Variants in WDR33 observed in about 807,000 individuals in gnomAD.
The protein encoded by WDR33 is pre-mRNA 3' end processing protein WDR33.
Under a neutral mutation model 164.9 loss-of-function variants are expected in WDR33, and 47 were observed. The ratio of observed to expected loss-of-function variants is 0.29; its 90% CI spans 0.23 to 0.36. WDR33 has a LOEUF of 0.36. Among genes scored for constraint, WDR33 ranks in the 10% least tolerant of loss-of-function variants. The pLI is 1.00. For synonymous variants in WDR33, 505 were observed against 589.0 expected, an observed-to-expected ratio of 0.86 and a Z score of 2.06; for missense variants, 1,137 against 1,754.1, an observed-to-expected ratio of 0.65 and a Z score of 6.28.
chr2:127,792,325 C>A (rs1490424522), intron 1 of WDR33, among the ~76,000 whole-genome samples: 2 of 151,796 alleles, frequency 1.3e-5, no homozygotes, highest in Non-Finnish European at 2.9e-5. Context: ...GTTCAACTAA[C>A]AAAGGAAAAA....
At chr2:127,778,667 T>TA (rs746425615) in intron 1 of WDR33, among the ~76,000 whole-genome samples, 1 of 152,018 alleles carries the variant, frequency 6.6e-6, no homozygotes, top group Admixed American at 6.6e-5. Context: ...ACAGGAAACT[T>TA]ACAGCACCAA....
At chr2:127,791,164 A>ACC (rs59673415) in intron 1 of WDR33, among the ~76,000 whole-genome samples, 56 of 54,674 alleles carry the variant, frequency 1.0e-3, no homozygotes, top group Non-Finnish European at 1.8e-3. Context: ...TCCCCACCCC[A>ACC]CCCCCCCCCC....
intron 7 of WDR33, among the ~76,000 whole-genome samples, chr2:127,729,145 C>T (rs542453240): frequency 1.0e-3 from 158 of 152,318 alleles, no homozygotes; most frequent in African/African-American, 3.1e-3. Context: ...CTTAATAAAA[C>T]GAATACTAGC....
chr2:127,785,929 C>T (rs1688548859), intron 1 of WDR33, among the ~76,000 whole-genome samples: 2 of 152,210 alleles, frequency 1.3e-5, no homozygotes, highest in Admixed American at 6.5e-5. Context: ...TTCTGCATTC[C>T]AACTGGCAAA....
At chr2:127,788,293 G>C (rs1196173876) in intron 1 of WDR33, among the ~76,000 whole-genome samples, 4 of 128,960 alleles carry the variant, frequency 3.1e-5, no homozygotes, top group Admixed American at 7.2e-5. Context: ...GCCGGGCGGG[G>C]GGCTGACCCC....
intron 1 of WDR33, among the ~76,000 whole-genome samples, chr2:127,784,666 C>CTA (rs1487486748): frequency 6.6e-6 from 1 of 152,198 alleles, no homozygotes; most frequent in South Asian, 2.1e-4. Flanking sequence ...CACGTGTGAG[C>CTA]CACTGTGCAT....
intron 7 of WDR33, among the ~76,000 whole-genome samples, chr2:127,728,819 A>C (rs1390286591): frequency 6.6e-6 from 1 of 152,198 alleles, no homozygotes; most frequent in East Asian, 1.9e-4. Flanking sequence ...GTACAATATG[A>C]AAAGTTCATA....
At chr2:127,757,379 T>C (rs1573921640) in intron 7 of WDR33, among the ~76,000 whole-genome samples, 1 of 152,232 alleles carries the variant, frequency 6.6e-6, no homozygotes, top group South Asian at 2.1e-4. Context: ...TAATGTGCTT[T>C]AGATGTTAAA....
In WDR33 at chr2:127,710,698, AGCGCTCACTGAGAGGCGGTG is replaced by A. The variant is rs1356594995; in HGVS notation, c.3309-862_3309-843del. On this transcript the variant is annotated intron_variant, in intron 18 of 21. Coordinates refer to ENST00000322313, the MANE Select transcript of WDR33 (RefSeq NM_018383.5). The surrounding 1 kb of genome is among the most constrained non-coding windows in gnomAD (Gnocchi z 4.4). ...AAAGAAGAGAAAGTGACCTTCTGGCAGCGCTCACTGAGAGGCGGTGGCGCCACCCTGCAGGGCCCCTCTGC... is the reference window on the plus strand; with the variant it reads ...AAAGAAGAGAAAGTGACCTTCTGGCAGCGCCACCCTGCAGGGCCCCTCTGC... 6.6e-6 allele frequency among the ~76,000 whole-genome samples: 1 copy of A among 152,166 alleles called. No individual in the cohort carries two copies. The highest frequency in any genetic ancestry group is 6.5e-5 in the Admixed American group (1 of 15,276).
chr2:127,732,740 T>C (rs1419469222), intron 7 of WDR33, among the ~76,000 whole-genome samples: 1 of 152,154 alleles, frequency 6.6e-6, no homozygotes, highest in Non-Finnish European at 1.5e-5. Flanking sequence ...CTCTCAGACG[T>C]GGTAGGGGTG....
chr2:127,765,278 G>GA lies in WDR33; in HGVS notation c.379-10dup. On this transcript the variant is annotated splice_polypyrimidine_tract_variant and intron_variant, in intron 4 of 21. Transcript: ENST00000322313. ...CTTCCTTCTGGAGTCCACTAAGGGA[G>GA]AAAAAAAGACAGGTTATACATCCTC... 8 of 1,604,846 alleles carry GA rather than the reference G, an allele frequency of 5.0e-6. No homozygotes were observed. The highest frequency in any genetic ancestry group is 1.7e-5 in the Admixed American group (1 of 58,098).
chr2:127,750,481 T>C (rs1471892218), intron 7 of WDR33, among the ~76,000 whole-genome samples: 1 of 150,342 alleles, frequency 6.7e-6, no homozygotes, highest in African/African-American at 2.4e-5. Flanking sequence ...ACCCCATCGC[T>C]ACTTAAAATA....
intron 7 of WDR33, among the ~76,000 whole-genome samples, chr2:127,743,600 C>T (rs891403347): frequency 1.3e-5 from 2 of 152,086 alleles, no homozygotes; most frequent in Non-Finnish European, 2.9e-5. Context: ...GGCTTAAAAT[C>T]CTTGACAATT....
At position 127,770,612 on chromosome 2, in the gene WDR33, AC is replaced by A. The variant is rs1237060107; in HGVS notation, c.204+165del. ...AAGCTGAGGCAGGAGAATCACTTGA[AC>A]CCGGGAGGCAGAGGTTGCAGTGAGC... On this transcript the variant is annotated intron_variant, in intron 2 of 21. Coordinates refer to ENST00000322313, the MANE Select transcript of WDR33 (RefSeq NM_018383.5). The surrounding 1 kb of genome is among the most constrained non-coding windows in gnomAD (Gnocchi z 4.9). 2.0e-5 allele frequency among the ~76,000 whole-genome samples: 3 copies of A among 151,882 alleles called. No homozygotes were observed. Among genetic ancestry groups the A allele is most frequent in the Non-Finnish European group, 2.9e-5 (2 of 67,984 alleles).
chr2:127,782,325 T>C (rs1688401167), intron 1 of WDR33, among the ~76,000 whole-genome samples: 1 of 150,742 alleles, frequency 6.6e-6, no homozygotes, highest in Non-Finnish European at 1.5e-5. Context: ...GGAGAATCGC[T>C]TGAACCTGGG....
intron 1 of WDR33, among the ~76,000 whole-genome samples, chr2:127,786,986 T>C (rs890058780): frequency 8.3e-6 from 1 of 120,750 alleles, no homozygotes; most frequent in Non-Finnish European, 1.7e-5. Context: ...CTGGTTTTCC[T>C]AGGCAGAGGA....
rs1054752236 is a variant in WDR33 at position 127,721,724 on chromosome 2, T to C, written c.1671+112A>G. The C allele has an allele frequency of 8.7e-7, 1 of 1,148,790 alleles. No homozygotes were observed. Among genetic ancestry groups the C allele is most frequent in the African/African-American group, 1.6e-5 (1 of 62,566 alleles). 71.2% of individuals were successfully genotyped at this position (1,148,790 alleles called of 1,614,324 possible). A position where few individuals can be genotyped will look rare whatever the true frequency, so the allele number is the denominator to read the frequency against. ...AGCATAGCAACAGGAAATGGCGGTG[T>C]TTGTCAGACCATGGGAGAGCCCCTT... On this transcript the variant is annotated intron_variant, in intron 15 of 21. Transcript: ENST00000322313. This position sits in a 1 kb window ranked among gnomAD's most constrained non-coding sequence, Gnocchi z 4.9.
intron 7 of WDR33, chr2:127,737,400 G>T (rs1469151744): frequency 1.0e-6 from 1 of 985,430 alleles, no homozygotes; most frequent in Non-Finnish European, 1.2e-6. Flanking sequence ...TTATTCAACA[G>T]TCACAGGTTC....
Position 127,719,620 on chromosome 2 carries a change from A to G in WDR33, c.2405T>C (p.Ile802Thr). Residue 802 changes from isoleucine (I) to threonine (T), a missense_variant, in exon 16 of 22, where the codon ATT becomes ACT. Coordinates refer to ENST00000322313, the MANE Select transcript of WDR33 (RefSeq NM_018383.5). The surrounding 1 kb of genome is among the most constrained non-coding windows in gnomAD (Gnocchi z 6.5). ...CATCTCTTGAGGCGGGTGGCCCATA[A>G]TCATCCCTTGGGGAGCAGGACCCTG... Reference protein sequence around the residue: ...ENQGPAPQGMIMGHPPQEMRG... With the variant: ...ENQGPAPQGMTMGHPPQEMRG... 2.5e-6 allele frequency: 4 copies of G among 1,613,340 alleles called. No individual in the cohort carries two copies. The highest frequency in any genetic ancestry group is 3.4e-6 in the Non-Finnish European group (4 of 1,179,828).
Sources: allele counts gnomAD v4.1 joint callset (sites outside exome capture counted in the v4.1 genomes callset), GRCh38; gene constraint gnomAD v4.1.1; non-coding constraint Gnocchi (gnomAD v3.1); transcripts MANE v1.5; gene names NCBI Gene and HGNC (gene_info 2026-07-23, HGNC 2026-07-21).